The following POU2F1 variants were observed in gnomAD, a reference collection of about 807,000 sequenced individuals.
POU2F1 encodes POU domain, class 2, transcription factor 1.
A neutral mutation model predicts 84.9 loss-of-function variants in POU2F1; 16 were observed. The ratio of observed to expected loss-of-function variants is 0.19; its 90% confidence interval spans 0.13 to 0.29. POU2F1 has a LOEUF of 0.29. Ranked by LOEUF, POU2F1 falls within the 10% of genes least tolerant of loss-of-function variation. POU2F1 has a pLI of 1.00. For missense variants in POU2F1, 738 were observed against 942.6 expected (o/e 0.78, Z 2.84); for synonymous variants, 368 against 368.3 (o/e 1.00, Z 0.01).
chr1:167,300,452 T>G (rs895918845), intron 1 of POU2F1, among the ~76,000 whole-genome samples: 37 of 152,190 alleles, frequency 2.4e-4, no homozygotes, highest in Admixed American at 2.0e-4. Flanking sequence ...GAATTACCAT[T>G]GTGAAAACTC....
intron 1 of POU2F1, among the ~76,000 whole-genome samples, chr1:167,310,734 G>A (rs1467848320): frequency 4.6e-5 from 7 of 152,130 alleles, no homozygotes; most frequent in Non-Finnish European, 1.0e-4. Context: ...GCTTCAGTGA[G>A]TAATTATGGA....
chr1:167,383,706 A>G (rs1647737273), intron 7 of POU2F1, 151 bp from the exon 8 acceptor site: 1 of 610,244 alleles, frequency 1.6e-6, no homozygotes, highest in Non-Finnish European at 2.9e-6. Context: ...GATTGAATGT[A>G]AGGCAAATAA....
chr1:167,273,533 C>T (rs1652520003), intron 1 of POU2F1, among the ~76,000 whole-genome samples: 1 of 152,256 alleles, frequency 6.6e-6, no homozygotes, highest in Non-Finnish European at 1.5e-5. Context: ...TGTGCACCCG[C>T]AGGCTTACCA....
At position 167,267,630 on chromosome 1, in the gene POU2F1, C is replaced by CTTTTTTT. The variant is rs71073658; in HGVS notation, c.61+46691_61+46697dup. 3.0e-3 allele frequency among the ~76,000 whole-genome samples: 214 copies of CTTTTTTT among 70,460 alleles called. 13 individuals are homozygous for CTTTTTTT. Among genetic ancestry groups the CTTTTTTT allele is most frequent in the Middle Eastern group, 0.021 (1 of 48 alleles). The allele number at this position is 70,460 out of a possible 152,430, so 46.2% of individuals were successfully genotyped here. A position where few individuals can be genotyped will look rare whatever the true frequency, so the allele number is the denominator to read the frequency against. On this transcript the variant is annotated intron_variant, in intron 1 of 15. Transcript: ENST00000367866. ...TGTGAAAGTATCACAGTTACTGTGT[C>CTTTTTTT]TTTTTTTTTTTTTTTTTTTTTTTTT...
intron 1 of POU2F1, among the ~76,000 whole-genome samples, chr1:167,320,676 C>CT (rs1194198421): frequency 1.3e-5 from 2 of 152,192 alleles, no homozygotes; most frequent in African/African-American, 4.8e-5. Flanking sequence ...GAAAAAGCCA[C>CT]TTTACAAGAT....
intron 2 of POU2F1, among the ~76,000 whole-genome samples, chr1:167,351,232 T>C (rs1239938701): frequency 6.6e-6 from 1 of 151,886 alleles, no homozygotes; most frequent in African/African-American, 2.4e-5. Context: ...CACGTGCCTG[T>C]AATCTCAGCT....
At chr1:167,231,854 C>T (rs1190235184) in intron 1 of POU2F1, among the ~76,000 whole-genome samples, 1 of 152,160 alleles carries the variant, frequency 6.6e-6, no homozygotes, top group East Asian at 1.9e-4. Context: ...AGGAATTAAT[C>T]AGTTCAAGAA....
chr1:167,401,894 T>C (rs1421822105), intron 13 of POU2F1, among the ~76,000 whole-genome samples: 1 of 152,236 alleles, frequency 6.6e-6, no homozygotes, highest in African/African-American at 2.4e-5. Context: ...CATCTTAGCC[T>C]GCAGTTCTTG....
chr1:167,334,733 T>C (rs1254143245), intron 2 of POU2F1, among the ~76,000 whole-genome samples: 1 of 152,232 alleles, frequency 6.6e-6, no homozygotes, highest in Non-Finnish European at 1.5e-5. Flanking sequence ...AAATTACAGT[T>C]TATTTAGATA....
chr1:167,238,720 A>G (rs1396283845), intron 1 of POU2F1, among the ~76,000 whole-genome samples: 3 of 152,270 alleles, frequency 2.0e-5, no homozygotes, highest in Non-Finnish European at 2.9e-5. Context: ...GCAATCTTCC[A>G]TAAATACCTG....
chr1:167,396,220 G>T lies in POU2F1; in HGVS notation c.988-66G>T, dbSNP rs985298702. On this transcript the variant is annotated intron_variant, in intron 9 of 15. Transcript: ENST00000367866. ...ATTGGAGCAACACCCCAGAGTGAAG[G>T]CTTTAAGCACTGGTGAGATAACTCT... 5.1e-6 allele frequency: 8 copies of T among 1,571,080 alleles called. No homozygotes were observed. In the African/African-American group the frequency reaches 1.1e-4, roughly 21 times the overall value.
intron 1 of POU2F1, among the ~76,000 whole-genome samples, chr1:167,236,747 G>A (rs948429616): frequency 6.6e-6 from 1 of 152,182 alleles, no homozygotes; most frequent in Non-Finnish European, 1.5e-5. Flanking sequence ...AGTCTGGGCA[G>A]GGATGGGTCA....
At chr1:167,274,725 T>C (rs1490782842) in intron 1 of POU2F1, among the ~76,000 whole-genome samples, 1 of 152,212 alleles carries the variant, frequency 6.6e-6, no homozygotes, top group Non-Finnish European at 1.5e-5. Context: ...TTAAAATAGT[T>C]TGGTTGTCAT....
At chr1:167,413,954 C>A (rs1650138768) in intron 15 of POU2F1, among the ~76,000 whole-genome samples, 1 of 150,924 alleles carries the variant, frequency 6.6e-6, no homozygotes, top group African/African-American at 2.4e-5. Context: ...ACCATTGCAC[C>A]CCAGCGTGGG....
intron 1 of POU2F1, among the ~76,000 whole-genome samples, chr1:167,283,970 G>T (rs1433551019): frequency 6.6e-6 from 1 of 152,110 alleles, no homozygotes. Context: ...TATTCTGTTG[G>T]TGTAGAATTG....
At chr1:167,400,758 T>G (rs1028470146) in intron 12 of POU2F1, among the ~76,000 whole-genome samples, 1 of 152,256 alleles carries the variant, frequency 6.6e-6, no homozygotes, top group Admixed American at 6.5e-5. Context: ...TTTCTGTTCT[T>G]TTTAAATTTG....
chr1:167,332,922 A>G (rs1190689510), intron 2 of POU2F1, among the ~76,000 whole-genome samples: 3 of 152,158 alleles, frequency 2.0e-5, no homozygotes, highest in African/African-American at 7.2e-5. Context: ...GGTTATTGTG[A>G]GTATTAAAGG....
intron 2 of POU2F1, among the ~76,000 whole-genome samples, chr1:167,361,631 C>G (rs1659357572): frequency 6.6e-6 from 1 of 151,972 alleles, no homozygotes; most frequent in Admixed American, 6.6e-5. Context: ...CTGTAGTTTC[C>G]TTTTTTTGTT....
chr1:167,372,289 CCT>C (rs750997478), intron 5 of POU2F1, among the ~76,000 whole-genome samples: 137 of 152,186 alleles, frequency 9.0e-4, no homozygotes, highest in Non-Finnish European at 1.5e-3. Context: ...TTATTAAACC[CCT>C]GTTTCAGGTG....
Sources: allele counts gnomAD v4.1 joint callset (sites outside exome capture counted in the v4.1 genomes callset), GRCh38; gene constraint gnomAD v4.1.1; transcripts MANE v1.5; gene names NCBI Gene and HGNC (gene_info 2026-07-23, HGNC 2026-07-21).